The following CSMD2 variants were observed in gnomAD, a reference collection of about 807,000 sequenced individuals.
CSMD2 encodes the protein CUB and Sushi multiple domains 2, also known as CUB and sushi domain-containing protein 2.
A neutral mutation model predicts 398.5 loss-of-function variants in CSMD2; 130 were observed. That is an observed-to-expected ratio of 0.33 (90% CI 0.28 to 0.38). The LOEUF is 0.38. Ranked by LOEUF, CSMD2 falls within the 10% of genes least tolerant of loss-of-function variation. The probability of loss-of-function intolerance (pLI) is 1.00; values close to 1 mark genes in which losing one functional copy is unlikely to be tolerated. For missense variants in CSMD2, 3,829 were observed against 4,764.9 expected (o/e 0.80, Z 5.78); for synonymous variants, 1,828 against 1,908.5 (o/e 0.96, Z 1.10).
chr1:33,573,889 G>A (rs1659828640), intron 49 of CSMD2, among the ~76,000 whole-genome samples: 1 of 152,058 alleles, frequency 6.6e-6, no homozygotes, highest in Admixed American at 6.6e-5. Context: ...AGACACACAG[G>A]CATTCCTCCA....
chr1:33,923,454 G>C (rs753797909), intron 4 of CSMD2, among the ~76,000 whole-genome samples: 4 of 152,274 alleles, frequency 2.6e-5, no homozygotes, highest in African/African-American at 9.6e-5. Flanking sequence ...AGATGCCAAT[G>C]CCATGCCTCC....
intron 15 of CSMD2, among the ~76,000 whole-genome samples, chr1:33,738,124 T>G (rs575776086): frequency 2.0e-4 from 31 of 152,286 alleles, no homozygotes; most frequent in Non-Finnish European, 1.9e-4. Flanking sequence ...TTCATTCTCC[T>G]GTCCTTCCTG....
chr1:33,771,057 G>A (rs1651189923), intron 13 of CSMD2, among the ~76,000 whole-genome samples: 1 of 152,228 alleles, frequency 6.6e-6, no homozygotes, highest in African/African-American at 2.4e-5. Context: ...CTGGTCCTAA[G>A]AGGCTGGCTG....
Position 33,636,189 on chromosome 1 carries a change from T to G in CSMD2, c.4969+171A>C, listed in dbSNP as rs531800381. On this transcript the variant is annotated intron_variant, in intron 30 of 70. Coordinates refer to ENST00000373381, the MANE Select transcript of CSMD2 (RefSeq NM_001281956.2). This position sits in a 1 kb window ranked among gnomAD's most constrained non-coding sequence, Gnocchi z 4.8. ...GATACCTTGAAAGGAACTGCACACC[T>G]AGTGAATTATAAGCCACTTCTATAC... Among the ~76,000 whole-genome samples the G allele has an allele frequency of 5.6e-4, 85 of 152,096 alleles. No individual in the cohort carries two copies. The highest frequency in any genetic ancestry group is 9.6e-4 in the Non-Finnish European group (65 of 68,002).
chr1:33,959,053 G>A (rs1233362765), intron 3 of CSMD2, among the ~76,000 whole-genome samples: 2 of 152,120 alleles, frequency 1.3e-5, no homozygotes, highest in Non-Finnish European at 2.9e-5. Flanking sequence ...GTGAGCCCCT[G>A]CTCAATTTTC....
At chr1:33,783,452 TC>T (rs1219402371) in intron 12 of CSMD2, among the ~76,000 whole-genome samples, 115 of 145,088 alleles carry the variant, frequency 7.9e-4, no homozygotes, top group Non-Finnish European at 1.4e-3. Context: ...TCTCTCTCTC[TC>T]TCTCTCTCTC....
intron 13 of CSMD2, among the ~76,000 whole-genome samples, chr1:33,768,521 G>A (rs985920024): frequency 2.7e-5 from 4 of 147,048 alleles, no homozygotes; most frequent in South Asian, 2.2e-4. Flanking sequence ...AATTCATCCC[G>A]GAATGTGTGC....
intron 1 of CSMD2, among the ~76,000 whole-genome samples, chr1:34,145,155 G>A (rs1356979884): frequency 6.6e-6 from 1 of 152,164 alleles, no homozygotes; most frequent in East Asian, 1.9e-4. Context: ...GATGAATGAG[G>A]GTAGCCTCAA....
At position 33,657,989 on chromosome 1, in the gene CSMD2, G is replaced by A. The variant is rs146442508; in HGVS notation, c.4404C>T (p.Ile1468=). 1.1e-5 allele frequency: 17 copies of A among 1,614,116 alleles called. No individual in the cohort carries two copies. The highest frequency in any genetic ancestry group is 4.5e-5 in the East Asian group (2 of 44,884). Reference sequence around the variant, plus strand: ...TGGGCTGCCAGAAGAACCTGTTCTCGATCTTCACACAGCTGATCTCTGCAC... The same window carrying A: ...TGGGCTGCCAGAAGAACCTGTTCTCAATCTTCACACAGCTGATCTCTGCAC... ...QGSAEISCVK[I]ENRFFWQPSP... is the part of the protein sequence containing the mutation. Residue 1468 remains isoleucine (I), a synonymous_variant, in exon 27 of 71, where the codon ATC becomes ATT. Coordinates refer to ENST00000373381, the MANE Select transcript of CSMD2 (RefSeq NM_001281956.2).
intron 40 of CSMD2, among the ~76,000 whole-genome samples, chr1:33,614,295 T>A (rs752621010): frequency 2.2e-4 from 34 of 152,294 alleles, no homozygotes; most frequent in Non-Finnish European, 4.3e-4. Context: ...TGGCAACCCC[T>A]AAGATTTTTC....
rs147255506 is a variant in CSMD2, at chr1:34,114,212, T to A, written c.188-25019A>T. Among the ~76,000 whole-genome samples the A allele has an allele frequency of 4.3e-3, 654 of 151,772 alleles. 5 individuals carry two copies. Among genetic ancestry groups the A allele is most frequent in the South Asian group, 6.5e-3 (31 of 4,776 alleles). On this transcript the variant is annotated intron_variant, in intron 1 of 70. Coordinates refer to ENST00000373381, the MANE Select transcript of CSMD2 (RefSeq NM_001281956.2). ...CACATGCAAGCTCAGAGAATATATA[T>A]CCCAAGGAAAGCCCCCAGAACCTCT...
intron 12 of CSMD2, among the ~76,000 whole-genome samples, chr1:33,783,681 C>A (rs1231309726): frequency 6.6e-6 from 1 of 152,146 alleles, no homozygotes; most frequent in East Asian, 1.9e-4. Flanking sequence ...CAACCGTTAT[C>A]TTTACCCCAG....
chr1:33,690,456 T>A (rs560196365), intron 25 of CSMD2, among the ~76,000 whole-genome samples: 1 of 152,226 alleles, frequency 6.6e-6, no homozygotes. Context: ...TGGACAGACA[T>A]GTGCGTCTGC....
At chr1:33,682,895 C>T (rs866422363) in intron 25 of CSMD2, among the ~76,000 whole-genome samples, 43 of 152,276 alleles carry the variant, frequency 2.8e-4, no homozygotes, top group South Asian at 4.1e-4. Flanking sequence ...GGAAATTCAA[C>T]GACTCCTTTC....
intron 3 of CSMD2, among the ~76,000 whole-genome samples, chr1:33,945,396 A>T (rs1644807999): frequency 6.6e-6 from 1 of 152,206 alleles, no homozygotes; most frequent in South Asian, 2.1e-4. Flanking sequence ...GGGAAGAGGT[A>T]TCTCTTCTGC....
At chr1:33,821,911 C>T (rs2281595) in intron 7 of CSMD2, among the ~76,000 whole-genome samples, 68,499 of 151,874 alleles carry the variant, frequency 0.45, 16,841 homozygotes, top group East Asian at 0.64. Flanking sequence ...TAGACAGGCA[C>T]GAGGAGTGAG....
In CSMD2 at chr1:33,636,441, C is replaced by G. The variant is rs142352755; in HGVS notation, c.4888G>C (p.Val1630Leu). ...CAGCTCAGGGTCGAGGTGCCCTCAA[C>G]TTCGTAGCCCCCGTGGCAGTAGTAG... ...VTYYCHGGYE[V>L]EGTSTLSCIL... The change falls in exon 30 of 71, where the codon GTT becomes CTT. Residue 1630 changes from valine (V) to leucine (L), a missense_variant. Physicochemically the swap from Val to Leu is conservative, Grantham distance 32. Transcript: ENST00000373381. This position sits in a 1 kb window ranked among gnomAD's most constrained non-coding sequence, Gnocchi z 4.8. 17 of 1,614,078 alleles carry G rather than the reference C, an allele frequency of 1.1e-5. No homozygotes were observed. Among genetic ancestry groups the G allele is most frequent in the Admixed American group, 3.3e-5 (2 of 60,012 alleles).
chr1:34,061,454 T>C (rs1654500740), intron 2 of CSMD2, among the ~76,000 whole-genome samples: 1 of 152,108 alleles, frequency 6.6e-6, no homozygotes. Flanking sequence ...CCCTGGCTCC[T>C]CTCTAGCACC....
intron 3 of CSMD2, among the ~76,000 whole-genome samples, chr1:33,998,114 G>A (rs1285360917): frequency 6.6e-6 from 1 of 152,166 alleles, no homozygotes; most frequent in Non-Finnish European, 1.5e-5. Context: ...ATCCATTCAC[G>A]GATTAATGGG....
Sources: gnomAD v4.1 joint callset for allele counts (sites outside exome capture counted in the v4.1 genomes callset) on GRCh38, gnomAD v4.1.1 for gene constraint, Gnocchi (gnomAD v3.1) non-coding constraint, MANE v1.5 for transcripts, NCBI Gene and HGNC (gene_info 2026-07-23, HGNC 2026-07-21) for gene names.